CDH12: variants seen among roughly 807,000 people sequenced by gnomAD.
The protein encoded by CDH12 is cadherin-12.
Under a neutral mutation model 74.1 loss-of-function variants are expected in CDH12, and 41 were observed. That is an observed-to-expected ratio of 0.55 (90% CI 0.43 to 0.72). The LOEUF (loss-of-function observed/expected upper bound fraction) is 0.72, where lower values mean the gene tolerates loss of function less well. CDH12 is among the 30% of genes least tolerant of loss of function. CDH12 has a pLI of 0.00. For missense variants in CDH12, 945 were observed against 977.2 expected, an observed-to-expected ratio of 0.97 and a Z score of 0.44; for synonymous variants, 399 against 355.0, an observed-to-expected ratio of 1.12 and a Z score of -1.39.
At chr5:22,626,884 T>TA (rs1417554774) in intron 1 of CDH12, among the ~76,000 whole-genome samples, 1 of 151,880 alleles carries the variant, frequency 6.6e-6, no homozygotes, top group Non-Finnish European at 1.5e-5. Context: ...AAAGACAAAA[T>TA]AACTATTTTT....
At chr5:22,208,217 T>C (rs1405456902) in intron 4 of CDH12, among the ~76,000 whole-genome samples, 3 of 152,048 alleles carry the variant, frequency 2.0e-5, no homozygotes, top group Non-Finnish European at 4.4e-5. Context: ...AATATTTTCA[T>C]TTGTAAGGGA....
chr5:21,852,395 G>A (rs147293540), intron 7 of CDH12, among the ~76,000 whole-genome samples: 117 of 151,280 alleles, frequency 7.7e-4, no homozygotes, highest in African/African-American at 2.5e-3. Flanking sequence ...ACATATTCAC[G>A]TACTGTATGG....
At chr5:22,786,947 T>A (rs1477902275) in intron 1 of CDH12, among the ~76,000 whole-genome samples, 1 of 152,114 alleles carries the variant, frequency 6.6e-6, no homozygotes, top group Non-Finnish European at 1.5e-5. Context: ...CTCGAACTCC[T>A]GACCTCAGAT....
intron 8 of CDH12, among the ~76,000 whole-genome samples, chr5:21,817,517 C>G (rs113588533): frequency 6.6e-6 from 1 of 151,502 alleles, no homozygotes. Flanking sequence ...GTTATAGATA[C>G]ATAGATAGAT....
chr5:22,532,375 A>ATATATATATATATATATATATATG (rs1178546849), intron 1 of CDH12, among the ~76,000 whole-genome samples: 11 of 75,842 alleles, frequency 1.5e-4, no homozygotes, highest in African/African-American at 4.1e-4. Flanking sequence ...ATATATATAT[A>ATATATATATATATATATATATATG]TATGTATGTA....
intron 3 of CDH12, among the ~76,000 whole-genome samples, chr5:22,247,045 G>A (rs1293830078): frequency 2.0e-5 from 3 of 152,072 alleles, no homozygotes; most frequent in African/African-American, 7.2e-5. Flanking sequence ...CTAAAATTGT[G>A]TTTTAAGATA....
intron 1 of CDH12, among the ~76,000 whole-genome samples, chr5:22,589,764 T>G (rs754079727): frequency 1.3e-5 from 2 of 152,192 alleles, no homozygotes; most frequent in Non-Finnish European, 2.9e-5. Flanking sequence ...GGTTCTCAGT[T>G]CTTTTTTCCT....
At chr5:22,675,529 A>C (rs1233959646) in intron 1 of CDH12, among the ~76,000 whole-genome samples, 1 of 152,110 alleles carries the variant, frequency 6.6e-6, no homozygotes, top group African/African-American at 2.4e-5. Flanking sequence ...CTCAGATGAG[A>C]CTTTGGACTG....
In CDH12 at chr5:22,098,809, T is replaced by C. The variant is rs555743563; in HGVS notation, c.-186-19947A>G. Among the ~76,000 whole-genome samples the C allele has an allele frequency of 1.2e-4, 19 of 152,188 alleles. No individual in the cohort carries two copies. The South Asian group carries it at 2.9e-3, about 23-fold the overall frequency. ...CTTCTTTCCTGTTCCTCACCCTGAT[T>C]ATGGCTTGATTTATTGATAGCAGTT... On this transcript the variant is annotated intron_variant, in intron 4 of 14. Transcript: ENST00000382254.
At chr5:22,302,205 A>T (rs900403878) in intron 3 of CDH12, among the ~76,000 whole-genome samples, 1 of 152,340 alleles carries the variant, frequency 6.6e-6, no homozygotes, top group African/African-American at 2.4e-5. Flanking sequence ...AGTAAGAAAG[A>T]AATGAACAAA....
chr5:21,967,401 C>A (rs1289380465), intron 6 of CDH12, among the ~76,000 whole-genome samples: 2 of 152,070 alleles, frequency 1.3e-5, no homozygotes, highest in African/African-American at 2.4e-5. Flanking sequence ...CAGTAGCTGG[C>A]AAAGCAGTTT....
chr5:21,930,569 G>A (rs559805308), intron 6 of CDH12, among the ~76,000 whole-genome samples: 35 of 152,124 alleles, frequency 2.3e-4, no homozygotes, highest in African/African-American at 5.5e-4. Flanking sequence ...AAAATTTAGC[G>A]CACTGTCTGA....
At chr5:22,707,277 G>A (rs1008427229) in intron 1 of CDH12, among the ~76,000 whole-genome samples, 2 of 152,118 alleles carry the variant, frequency 1.3e-5, no homozygotes, top group African/African-American at 4.8e-5. Context: ...GTAATCATTT[G>A]TGCAAATTAA....
At chr5:22,435,498 A>ATGTGTGTGTGTG (rs56122496) in intron 2 of CDH12, among the ~76,000 whole-genome samples, 6 of 133,182 alleles carry the variant, frequency 4.5e-5, no homozygotes, top group Admixed American at 1.7e-4. Context: ...GTGTATATAT[A>ATGTGTGTGTGTG]TGTGTGTGTG....
chr5:22,330,450 C>T (rs1739300713), intron 3 of CDH12, among the ~76,000 whole-genome samples: 2 of 151,894 alleles, frequency 1.3e-5, no homozygotes, highest in South Asian at 4.2e-4. Flanking sequence ...TGAAAGACTC[C>T]CTATATTAAA....
intron 10 of CDH12, among the ~76,000 whole-genome samples, chr5:21,800,045 C>T (rs1157638991): frequency 1.3e-5 from 2 of 152,152 alleles, no homozygotes; most frequent in South Asian, 2.1e-4. Context: ...AGGTTTTGGA[C>T]TTACATTGGA....
At chr5:22,635,990 T>A in intron 1 of CDH12, among the ~76,000 whole-genome samples, 1 of 151,906 alleles carries the variant, frequency 6.6e-6, no homozygotes, top group African/African-American at 2.4e-5. Context: ...TTATATAAAA[T>A]TAAGAAAATC....
intron 3 of CDH12, among the ~76,000 whole-genome samples, chr5:22,308,005 C>A (rs1382245253): frequency 6.6e-6 from 1 of 150,458 alleles, no homozygotes; most frequent in Non-Finnish European, 1.5e-5. Context: ...CTCAGCCTCC[C>A]AAGTAGCTGG....
intron 11 of CDH12, among the ~76,000 whole-genome samples, chr5:21,782,486 C>T (rs186218816): frequency 6.6e-6 from 1 of 152,276 alleles, no homozygotes; most frequent in Non-Finnish European, 1.5e-5. Flanking sequence ...GAAATGCTCA[C>T]AGCTATTCCC....
Sources: gnomAD v4.1 joint callset for allele counts (sites outside exome capture counted in the v4.1 genomes callset) on GRCh38, gnomAD v4.1.1 for gene constraint, MANE v1.5 for transcripts, NCBI Gene and HGNC (gene_info 2026-07-23, HGNC 2026-07-21) for gene names.